The following EIF4E variants were observed in gnomAD, a reference collection of about 807,000 sequenced individuals.
EIF4E encodes eIF-4F 25 kDa subunit.
For missense variants in EIF4E, 113 were observed against 265.6 expected (o/e 0.43, Z 3.99); for synonymous variants, 71 against 88.5 (o/e 0.80, Z 1.11).
intron 2 of EIF4E, among the ~76,000 whole-genome samples, chr4:98,893,040 AACTATCTT>A (rs1320762884): frequency 6.6e-6 from 1 of 152,166 alleles, no homozygotes; most frequent in Non-Finnish European, 1.5e-5. Flanking sequence ...ACAATAAAGG[AACTATCTT>A]TAAGGAGAGT....
intron 3 of EIF4E, chr4:98,890,887 A>G: frequency 3.7e-6 from 1 of 271,230 alleles, no homozygotes. Context: ...TGCAGAAATG[A>G]GGACCCAACA....
intron 1 of EIF4E, among the ~76,000 whole-genome samples, chr4:98,914,861 T>C (rs1432143128): frequency 1.3e-5 from 2 of 152,180 alleles, no homozygotes; most frequent in Non-Finnish European, 2.9e-5. Flanking sequence ...GGGAAAGCTG[T>C]ACCTGCACCG....
At chr4:98,896,057 G>A (rs920689559) in intron 2 of EIF4E, among the ~76,000 whole-genome samples, 7 of 151,922 alleles carry the variant, frequency 4.6e-5, no homozygotes, top group Admixed American at 1.3e-4. Context: ...TTGGCTAGGC[G>A]TGGTGGCACG....
At position 98,891,227 on chromosome 4, in the gene EIF4E, G is replaced by A; in HGVS notation, c.221+10C>T. The stretch of plus-strand genomic sequence containing the variant: ...AAACAACAAACATACTAAAACAAAT[G>A]GTTACTTACGCCCAAAAGTCTTCAA... On this transcript the variant is annotated intron_variant, in intron 3 of 6. Transcript: ENST00000450253. 1 of 1,613,464 alleles carries A rather than the reference G, an allele frequency of 6.2e-7. No homozygotes were observed. The highest frequency in any genetic ancestry group is 8.5e-7 in the Non-Finnish European group (1 of 1,179,510).
rs1411030294 is a variant in EIF4E at position 98,880,125 on chromosome 4, C to G, written c.*903G>C. 6.6e-6 allele frequency: 1 copy of G among 152,442 alleles called. No homozygotes were observed. Among genetic ancestry groups the G allele is most frequent in the Non-Finnish European group, 1.5e-5 (1 of 67,974 alleles). 9.4% of individuals were successfully genotyped at this position (152,442 alleles called of 1,614,324 possible). A position where few individuals can be genotyped will look rare whatever the true frequency, so the allele number is the denominator to read the frequency against. On this transcript the variant is annotated 3_prime_UTR_variant, in exon 7 of 7. Coordinates refer to ENST00000450253, the MANE Select transcript of EIF4E (RefSeq NM_001968.5). The stretch of plus-strand genomic sequence containing the variant: ...GTACACTGTCTTAATATGAATGGGA[C>G]TGCTTTTCTACTTGAGCCATTTTTA...
At chr4:98,891,207 A>G (rs753084235) in intron 3 of EIF4E, 30 bp downstream of exon 3, 10 of 1,609,598 alleles carry the variant, frequency 6.2e-6, no homozygotes, top group African/African-American at 5.3e-5. Context: ...GAATAAAACA[A>G]CAAACATACT....
At position 98,893,715 on chromosome 4, in the gene EIF4E, A is replaced by G. The variant is rs1463593298; in HGVS notation, c.126-2383T>C. On this transcript the variant is annotated intron_variant, in intron 2 of 6. Coordinates refer to ENST00000450253, the MANE Select transcript of EIF4E (RefSeq NM_001968.5). Reference sequence around the variant, plus strand: ...CTTCCACTAAAGTCTTGAACGCTTCAAAGTCATCAATACGGGTTGGAATCA... The same window carrying G: ...CTTCCACTAAAGTCTTGAACGCTTCGAAGTCATCAATACGGGTTGGAATCA... 1.3e-5 allele frequency among the ~76,000 whole-genome samples: 2 copies of G among 152,344 alleles called. 1 individual carries two copies. Among genetic ancestry groups the G allele is most frequent in the South Asian group, 4.1e-4 (2 of 4,824 alleles).
chr4:98,915,795 G>T (rs1263219583), intron 1 of EIF4E, among the ~76,000 whole-genome samples: 1 of 151,664 alleles, frequency 6.6e-6, no homozygotes, highest in East Asian at 2.0e-4. Context: ...ACCTGCCTCA[G>T]CCTCCCAAAG....
chr4:98,886,260 C>G (rs774738789), intron 5 of EIF4E: 5 of 235,372 alleles, frequency 2.1e-5, no homozygotes, highest in Non-Finnish European at 4.3e-5. Context: ...AGACTACAAA[C>G]CCCGCTCCTA....
intron 1 of EIF4E, among the ~76,000 whole-genome samples, chr4:98,922,844 TTTTTTC>T (rs1269857399): frequency 1.2e-4 from 17 of 140,938 alleles, no homozygotes; most frequent in Admixed American, 1.2e-3. Context: ...CTGTTTTTTC[TTTTTTC>T]TTTTTTTTTT....
At position 98,889,804 on chromosome 4, in the gene EIF4E, CCT is replaced by C. The variant is rs146789123; in HGVS notation, c.221+1431_221+1432del. Among the ~76,000 whole-genome samples the C allele has an allele frequency of 1.4e-3, 218 of 152,114 alleles. 5 individuals are homozygous for C. The East Asian group carries it at 0.04, about 28-fold the overall frequency. The stretch of plus-strand genomic sequence containing the variant: ...GATTGGGGAAGGTGGCTCAAGGCTT[CCT>C]TTTTCTCTGTAGGAGAATGAAAAGC... On this transcript the variant is annotated intron_variant, in intron 3 of 6. Coordinates refer to ENST00000450253, the MANE Select transcript of EIF4E (RefSeq NM_001968.5).
chr4:98,882,629 G>A (rs1579145505), intron 6 of EIF4E, among the ~76,000 whole-genome samples: 1 of 151,704 alleles, frequency 6.6e-6, no homozygotes, highest in Middle Eastern at 3.4e-3. Flanking sequence ...TATCAAATTT[G>A]CATTATAATG....
At chr4:98,883,319 T>A (rs1368456787) in intron 6 of EIF4E, among the ~76,000 whole-genome samples, 2 of 149,866 alleles carry the variant, frequency 1.3e-5, no homozygotes, top group African/African-American at 2.4e-5. Flanking sequence ...ATTTGAAAAA[T>A]CACAAAGGGG....
intron 1 of EIF4E, among the ~76,000 whole-genome samples, chr4:98,907,258 A>C (rs1724911552): frequency 6.6e-6 from 1 of 152,168 alleles, no homozygotes; most frequent in African/African-American, 2.4e-5. Context: ...TTTAAAGTAA[A>C]TTGAAGTAAG....
At chr4:98,886,821 A>T in intron 5 of EIF4E, 1 of 445,886 alleles carries the variant, frequency 2.2e-6, no homozygotes, top group Non-Finnish European at 4.2e-6. Flanking sequence ...TTTGAGGTTA[A>T]TGAAATGACC....
intron 2 of EIF4E, among the ~76,000 whole-genome samples, chr4:98,893,655 T>C (rs1192130357): frequency 1.3e-5 from 2 of 152,236 alleles, no homozygotes; most frequent in South Asian, 2.1e-4. Context: ...TTTCTTACTG[T>C]TGGTCTCTTG....
intron 5 of EIF4E, among the ~76,000 whole-genome samples, chr4:98,885,826 T>C (rs1197992709): frequency 6.6e-6 from 1 of 152,176 alleles, no homozygotes; most frequent in Non-Finnish European, 1.5e-5. Flanking sequence ...AGTTCAGTGG[T>C]GTTAAGTACA....
intron 1 of EIF4E, among the ~76,000 whole-genome samples, chr4:98,918,317 T>A (rs1725486460): frequency 6.7e-6 from 1 of 148,252 alleles, no homozygotes; most frequent in South Asian, 2.1e-4. Flanking sequence ...GAGCCGAGAT[T>A]GTCACTGCAC....
At chr4:98,893,790 A>G (rs1214723387) in intron 2 of EIF4E, among the ~76,000 whole-genome samples, 1 of 152,236 alleles carries the variant, frequency 6.6e-6, no homozygotes, top group Non-Finnish European at 1.5e-5. Flanking sequence ...CCCATGAATC[A>G]TGAATGTTCT....
Sources: allele counts gnomAD v4.1 joint callset (sites outside exome capture counted in the v4.1 genomes callset), GRCh38; gene constraint gnomAD v4.1.1; transcripts MANE v1.5; gene names NCBI Gene and HGNC (gene_info 2026-07-23, HGNC 2026-07-21).